Variants in FBXL7 observed in about 807,000 individuals in gnomAD.
The protein encoded by FBXL7 is F-box/LRR-repeat protein 7.
Under a neutral mutation model 38.3 loss-of-function variants are expected in FBXL7, and 12 were observed. The observed-to-expected ratio is 0.31, with a 90% CI of 0.20 to 0.51. FBXL7 has a LOEUF of 0.51. Ranked by LOEUF, FBXL7 falls within the 20% of genes least tolerant of loss-of-function variation. The probability of loss-of-function intolerance (pLI) is 0.98; values close to 1 mark genes in which losing one functional copy is unlikely to be tolerated. For synonymous variants in FBXL7, 297 were observed against 300.9 expected (o/e 0.99, Z 0.13); for missense variants, 567 against 676.4 (o/e 0.84, Z 1.79).
At chr5:15,810,003 T>C (rs1387301888) in intron 2 of FBXL7, among the ~76,000 whole-genome samples, 2 of 152,206 alleles carry the variant, frequency 1.3e-5, no homozygotes, top group South Asian at 2.1e-4. Context: ...CAAAATATTT[T>C]GCTCAATATT....
intron 2 of FBXL7, among the ~76,000 whole-genome samples, chr5:15,635,227 C>T (rs1388211510): frequency 6.6e-6 from 1 of 152,138 alleles, no homozygotes; most frequent in Non-Finnish European, 1.5e-5. Context: ...TAGAGGGCCA[C>T]TGATGCACCC....
intron 1 of FBXL7, among the ~76,000 whole-genome samples, chr5:15,517,119 C>G (rs192735079): frequency 2.0e-5 from 3 of 151,848 alleles, no homozygotes; most frequent in Non-Finnish European, 4.4e-5. Context: ...CTCCGCCTCC[C>G]GGGTTCACGC....
At chr5:15,510,523 GGAA>G (rs1464782130) in intron 1 of FBXL7, among the ~76,000 whole-genome samples, 2 of 152,068 alleles carry the variant, frequency 1.3e-5, no homozygotes, top group Admixed American at 6.6e-5. Context: ...TCAGACCCCA[GGAA>G]GAAGAAGAAG....
intron 2 of FBXL7, among the ~76,000 whole-genome samples, chr5:15,687,414 C>T (rs1176639040): frequency 3.9e-5 from 6 of 152,210 alleles, no homozygotes; most frequent in African/African-American, 1.2e-4. Flanking sequence ...GAACCTGCCC[C>T]TGTTCCTTTC....
chr5:15,578,096 G>A (rs920483803), intron 1 of FBXL7, among the ~76,000 whole-genome samples: 7 of 152,058 alleles, frequency 4.6e-5, no homozygotes, highest in Admixed American at 2.6e-4. Context: ...GCTGCAGTTC[G>A]TCCACAGAAA....
At chr5:15,796,503 G>T (rs533108509) in intron 2 of FBXL7, among the ~76,000 whole-genome samples, 17 of 152,014 alleles carry the variant, frequency 1.1e-4, no homozygotes, top group Admixed American at 4.6e-4. Context: ...GCCAAGCCTT[G>T]TTCAACAATT....
At chr5:15,875,284 A>G (rs1476988084) in intron 2 of FBXL7, among the ~76,000 whole-genome samples, 1 of 152,234 alleles carries the variant, frequency 6.6e-6, no homozygotes, top group Non-Finnish European at 1.5e-5. Flanking sequence ...AAAGATGTAA[A>G]CATAAGATCT....
chr5:15,651,190 G>A (rs1561069989), intron 2 of FBXL7, among the ~76,000 whole-genome samples: 1 of 150,160 alleles, frequency 6.7e-6, no homozygotes, highest in East Asian at 2.0e-4. Context: ...TCCACCTCAT[G>A]GGTTCACGCC....
At chr5:15,861,124 T>C (rs1030187632) in intron 2 of FBXL7, among the ~76,000 whole-genome samples, 3 of 152,204 alleles carry the variant, frequency 2.0e-5, no homozygotes, top group African/African-American at 2.4e-5. Context: ...AGGTGGTTTC[T>C]TAGGCCCAGG....
At chr5:15,511,512 C>T (rs921542934) in intron 1 of FBXL7, among the ~76,000 whole-genome samples, 2 of 152,162 alleles carry the variant, frequency 1.3e-5, no homozygotes, top group African/African-American at 4.8e-5. Context: ...TCATATTTTC[C>T]TCTGGTTTCA....
At chr5:15,823,486 T>A (rs1738226913) in intron 2 of FBXL7, among the ~76,000 whole-genome samples, 1 of 152,210 alleles carries the variant, frequency 6.6e-6, no homozygotes, top group Admixed American at 6.5e-5. Context: ...GTGTAATTAA[T>A]GCTGTAGATT....
At chr5:15,523,354 C>G (rs1019239094) in intron 1 of FBXL7, among the ~76,000 whole-genome samples, 2 of 152,060 alleles carry the variant, frequency 1.3e-5, no homozygotes, top group Admixed American at 1.3e-4. Context: ...GTCAGGAGAT[C>G]GAGACCATCC....
chr5:15,504,186 T>C (rs544046397), intron 1 of FBXL7, among the ~76,000 whole-genome samples: 1 of 152,374 alleles, frequency 6.6e-6, no homozygotes, highest in East Asian at 1.9e-4. Flanking sequence ...CCGGGGTGTT[T>C]GTTCTCTAAA....
intron 2 of FBXL7, among the ~76,000 whole-genome samples, chr5:15,694,857 C>G (rs1743286144): frequency 6.6e-6 from 1 of 152,136 alleles, no homozygotes; most frequent in African/African-American, 2.4e-5. Flanking sequence ...AATGGTAAAA[C>G]TAACCCTGTT....
intron 2 of FBXL7, among the ~76,000 whole-genome samples, chr5:15,789,754 T>C (rs894792119): frequency 6.6e-6 from 1 of 152,318 alleles, no homozygotes; most frequent in South Asian, 2.1e-4. Flanking sequence ...TCTGTTCCTA[T>C]GGCTGTGGCC....
chr5:15,879,547 A>G (rs1740354892), intron 2 of FBXL7, among the ~76,000 whole-genome samples: 1 of 152,190 alleles, frequency 6.6e-6, no homozygotes, highest in Admixed American at 6.5e-5. Flanking sequence ...TTTGCTTAGT[A>G]TCACAGAAGA....
chr5:15,501,363 T>C (rs1580339724), intron 1 of FBXL7: 1 of 944,704 alleles, frequency 1.1e-6, no homozygotes, highest in African/African-American at 1.8e-5. Flanking sequence ...AACTTTAAAC[T>C]CCACCTACTC....
At chr5:15,913,523 C>T (rs1319620131) in intron 2 of FBXL7, among the ~76,000 whole-genome samples, 2 of 152,114 alleles carry the variant, frequency 1.3e-5, no homozygotes, top group Non-Finnish European at 1.5e-5. Flanking sequence ...TAGACTATTG[C>T]TCCCTGTGGG....
intron 2 of FBXL7, among the ~76,000 whole-genome samples, chr5:15,652,174 G>C (rs1741731290): frequency 1.3e-5 from 2 of 152,140 alleles, no homozygotes; most frequent in Admixed American, 1.3e-4. Context: ...CTTCTCTTAA[G>C]ACCACTAAAA....
Sources: gnomAD v4.1 joint callset for allele counts (sites outside exome capture counted in the v4.1 genomes callset) on GRCh38, gnomAD v4.1.1 for gene constraint, MANE v1.5 for transcripts, NCBI Gene and HGNC (gene_info 2026-07-23, HGNC 2026-07-21) for gene names.